C6: variants seen among roughly 807,000 people sequenced by gnomAD.
C6 encodes the protein complement C6, also known as complement component C6.
Under a neutral mutation model 112.9 loss-of-function variants are expected in C6, and 101 were observed. The observed-to-expected ratio is 0.89, with a 90% CI of 0.76 to 1.06. The LOEUF (loss-of-function observed/expected upper bound fraction) is 1.06, where lower values mean the gene tolerates loss of function less well. Among genes scored for constraint, C6 ranks in the 50% least tolerant of loss-of-function variants. The pLI is 0.00. For missense variants in C6, 1,202 were observed against 1,104.6 expected (o/e 1.09, Z -1.25); for synonymous variants, 431 against 384.1 (o/e 1.12, Z -1.43).
chr5:41,168,400 A>G (rs746234730), intron 9 of C6, among the ~76,000 whole-genome samples: 1 of 152,144 alleles, frequency 6.6e-6, no homozygotes, highest in Non-Finnish European at 1.5e-5. Flanking sequence ...CTGGAGGGTC[A>G]AAGAATAATA....
chr5:41,201,494 C>A, intron 3 of C6, 64 bp downstream of exon 3: 2 of 1,463,328 alleles, frequency 1.4e-6, no homozygotes, highest in South Asian at 2.3e-5. Context: ...GCTGTTAAGC[C>A]TGTCAGGGAA....
At chr5:41,257,594 A>C (rs1371310850) in intron 1 of C6, among the ~76,000 whole-genome samples, 1 of 152,174 alleles carries the variant, frequency 6.6e-6, no homozygotes, top group East Asian at 1.9e-4. Context: ...GTTTGGGAGT[A>C]GGCTTCAGGC....
chr5:41,195,018 C>G (rs1328274152), intron 5 of C6, among the ~76,000 whole-genome samples: 2 of 152,158 alleles, frequency 1.3e-5, no homozygotes, highest in African/African-American at 4.8e-5. Context: ...CCTGGTTCCA[C>G]CATTTGCTAG....
intron 1 of C6, among the ~76,000 whole-genome samples, chr5:41,241,782 A>T (rs1352645801): frequency 1.3e-5 from 2 of 152,174 alleles, no homozygotes; most frequent in Admixed American, 6.5e-5. Flanking sequence ...AAAAGACCAG[A>T]TAGCAAGACT....
At chr5:41,229,641 G>C (rs188432854) in intron 1 of C6, among the ~76,000 whole-genome samples, 4 of 152,188 alleles carry the variant, frequency 2.6e-5, no homozygotes, top group African/African-American at 9.6e-5. Context: ...TTAGAAGACT[G>C]TGTATTTTGT....
chr5:41,222,941 C>T (rs1739270916), intron 1 of C6, among the ~76,000 whole-genome samples: 2 of 152,078 alleles, frequency 1.3e-5, no homozygotes, highest in South Asian at 2.1e-4. Flanking sequence ...TTCATTTAAC[C>T]AGAAACTTTC....
At chr5:41,258,136 T>A (rs1741834400) in intron 1 of C6, among the ~76,000 whole-genome samples, 1 of 152,176 alleles carries the variant, frequency 6.6e-6, no homozygotes, top group Non-Finnish European at 1.5e-5. Flanking sequence ...TATAATAACA[T>A]AGTCTTGGTA....
rs759193640 is a variant in C6, at chr5:41,195,841, A to T, written c.538T>A (p.Cys180Ser). Reference sequence around the variant, plus strand: ...GGGATGGGATTATACTTCCGTGTGCATACTGCCTTTGTCCTCCCACAGTCC... The same window carrying T: ...GGGATGGGATTATACTTCCGTGTGCTTACTGCCTTTGTCCTCCCACAGTCC... ...ERDCGRTKAV[C>S]TRKYNPIPSV... The change falls in exon 5 of 18, where the codon TGC becomes AGC. Residue 180 changes from cysteine (C) to serine (S), a missense_variant. Physicochemically the swap from Cys to Ser is moderately radical, Grantham distance 112 (BLOSUM62 -1). Transcript: ENST00000337836. The T allele has an allele frequency of 6.2e-7, 1 of 1,613,978 alleles. No homozygotes were observed. The highest frequency in any genetic ancestry group is 8.5e-7 in the Non-Finnish European group (1 of 1,179,910).
chr5:41,205,807 A>G (rs1407709249), intron 1 of C6, among the ~76,000 whole-genome samples: 2 of 152,206 alleles, frequency 1.3e-5, no homozygotes, highest in Non-Finnish European at 2.9e-5. Flanking sequence ...GCATAGCTGA[A>G]CAAAAGGCAG....
At chr5:41,215,668 T>TA (rs201841363), upstream of C6, among the ~76,000 whole-genome samples, 1,447 of 152,002 alleles carry the variant, frequency 9.5e-3, 30 homozygotes, top group African/African-American at 0.032. Flanking sequence ...CATATAATTG[T>TA]AAAAAAACAG....
chr5:41,190,628 G>C (rs1410636429), intron 5 of C6, among the ~76,000 whole-genome samples: 2 of 152,032 alleles, frequency 1.3e-5, no homozygotes, highest in Non-Finnish European at 2.9e-5. Flanking sequence ...AATCCCATTT[G>C]CTTTTGTTGC....
chr5:41,172,173 A>G (rs1748473566), intron 9 of C6, 52 bp downstream of exon 9: 3 of 1,595,838 alleles, frequency 1.9e-6, no homozygotes, highest in Admixed American at 3.3e-5. Flanking sequence ...TCTGTAAATG[A>G]CAGCCAGGCT....
intron 1 of C6, among the ~76,000 whole-genome samples, chr5:41,248,443 C>A (rs946873365): frequency 1.3e-5 from 2 of 152,152 alleles, no homozygotes; most frequent in African/African-American, 2.4e-5. Context: ...GGTGTAATAT[C>A]CAGAATCCAT....
At chr5:41,249,337 A>G (rs1741203087) in intron 1 of C6, among the ~76,000 whole-genome samples, 1 of 152,254 alleles carries the variant, frequency 6.6e-6, no homozygotes, top group Non-Finnish European at 1.5e-5. Context: ...TTAAAAACAT[A>G]ACAATAATAC....
intron 1 of C6, among the ~76,000 whole-genome samples, chr5:41,242,860 A>C (rs1740806080): frequency 6.6e-6 from 1 of 151,354 alleles, no homozygotes; most frequent in African/African-American, 2.4e-5. Context: ...TGGAATTGAA[A>C]AACATTATGC....
chr5:41,217,128 T>TG (rs1561183333), upstream of C6, among the ~76,000 whole-genome samples: 2 of 152,162 alleles, frequency 1.3e-5, no homozygotes, highest in Non-Finnish European at 2.9e-5. Context: ...ACCTCTTCTT[T>TG]GGGGGCCATT....
chr5:41,234,550 G>A (rs975570630), intron 1 of C6, among the ~76,000 whole-genome samples: 1 of 152,020 alleles, frequency 6.6e-6, no homozygotes, highest in African/African-American at 2.4e-5. Flanking sequence ...TTAGCACTGA[G>A]TGTAGAAGCT....
At chr5:41,216,347 A>T (rs565540096), upstream of C6, among the ~76,000 whole-genome samples, 48 of 152,202 alleles carry the variant, frequency 3.2e-4, no homozygotes, top group Admixed American at 2.9e-3. Flanking sequence ...GACAAAATAT[A>T]ATACATGTGT....
At position 41,155,073 on chromosome 5, in the gene C6, T is replaced by C. The variant is rs375991339; in HGVS notation, c.2000A>G (p.Asp667Gly). Residue 667 changes from aspartate to glycine, a missense_variant, in exon 14 of 18, where the codon GAT (aspartate) becomes GGT (glycine). By Grantham distance (94) the Asp-to-Gly change is moderately conservative. Coordinates refer to ENST00000337836, the MANE Select transcript of C6 (RefSeq NM_000065.5). ...NEKQLYLVGE[D>G]VEISCLTGFE... ...GCCAGTAAGGCATGAAATTTCAACA[T>C]CTTCTCCAACCAAGTATAGTTGCTT... is the stretch of plus-strand genomic sequence containing the variant. 1 of 1,613,546 alleles carries C rather than the reference T, an allele frequency of 6.2e-7. No homozygotes were observed. The highest frequency in any genetic ancestry group is 8.5e-7 in the Non-Finnish European group (1 of 1,179,690).
Sources: allele counts gnomAD v4.1 joint callset (sites outside exome capture counted in the v4.1 genomes callset), GRCh38; gene constraint gnomAD v4.1.1; transcripts MANE v1.5; gene names NCBI Gene and HGNC (gene_info 2026-07-23, HGNC 2026-07-21).